Variants in ANKS1B observed in about 807,000 individuals in gnomAD.
ANKS1B encodes the protein ankyrin repeat and sterile alpha motif domain-containing protein 1B.
Under a neutral mutation model 148.3 loss-of-function variants are expected in ANKS1B, and 36 were observed. That is an observed-to-expected ratio of 0.24 (90% CI 0.19 to 0.32). The LOEUF (loss-of-function observed/expected upper bound fraction) is 0.32. ANKS1B is among the 10% of genes least tolerant of loss of function. The probability of loss-of-function intolerance (pLI) is 1.00; values close to 1 mark genes in which losing one functional copy is unlikely to be tolerated. For missense variants in ANKS1B, 1,157 were observed against 1,542.6 expected, an observed-to-expected ratio of 0.75 and a Z score of 4.19; for synonymous variants, 542 against 560.8, an observed-to-expected ratio of 0.97 and a Z score of 0.47.
intron 6 of ANKS1B, among the ~76,000 whole-genome samples, chr12:99,777,616 G>A (rs147749069): frequency 0.019 from 2,923 of 152,008 alleles, 81 homozygotes; most frequent in African/African-American, 0.058. Context: ...ACGGAGTCTC[G>A]CTCTGTTGCT....
chr12:99,065,906 A>G (rs1307896752), intron 16 of ANKS1B, among the ~76,000 whole-genome samples: 1 of 152,158 alleles, frequency 6.6e-6, no homozygotes, highest in East Asian at 1.9e-4. Flanking sequence ...AAAAAGAGAA[A>G]GTGCAGTGGG....
At chr12:99,349,940 GCA>G (rs1178607168) in intron 12 of ANKS1B, among the ~76,000 whole-genome samples, 3 of 151,926 alleles carry the variant, frequency 2.0e-5, no homozygotes, top group African/African-American at 7.2e-5. Flanking sequence ...GTTTAAAATG[GCA>G]CATTTTATGT....
At chr12:99,056,082 T>C (rs1041130919) in intron 16 of ANKS1B, among the ~76,000 whole-genome samples, 5 of 152,130 alleles carry the variant, frequency 3.3e-5, no homozygotes, top group Admixed American at 6.6e-5. Context: ...GAAATGGGTA[T>C]GCTGAGGTGT....
At chr12:98,859,479 T>G (rs1341475462) in intron 17 of ANKS1B, among the ~76,000 whole-genome samples, 1 of 152,216 alleles carries the variant, frequency 6.6e-6, no homozygotes, top group East Asian at 1.9e-4. Context: ...TAAGCCATTA[T>G]GAACAGTTTA....
chr12:99,618,460 T>C (rs2098000967), intron 9 of ANKS1B, among the ~76,000 whole-genome samples: 1 of 152,098 alleles, frequency 6.6e-6, no homozygotes, highest in Non-Finnish European at 1.5e-5. Context: ...TCTGGGGACT[T>C]TAATTCAAGA....
chr12:98,924,050 C>T (rs935049143), intron 17 of ANKS1B, among the ~76,000 whole-genome samples: 2 of 152,202 alleles, frequency 1.3e-5, no homozygotes, highest in Admixed American at 6.5e-5. Flanking sequence ...GGGCGCCAGA[C>T]TTAGATGCCT....
chr12:99,715,140 T>TAATA (rs538447232), intron 8 of ANKS1B, among the ~76,000 whole-genome samples: 2 of 96,140 alleles, frequency 2.1e-5, no homozygotes, highest in South Asian at 3.3e-4. Context: ...AAATAAAAAA[T>TAATA]AATAAATAAA....
At chr12:99,884,913 A>G (rs1007805) in intron 1 of ANKS1B, among the ~76,000 whole-genome samples, 34,909 of 151,600 alleles carry the variant, frequency 0.23, 4,083 homozygotes, top group African/African-American at 0.26. Context: ...AAATTTTAAA[A>G]CAAATTTACC....
chr12:99,467,841 T>C (rs1322778506), intron 10 of ANKS1B, among the ~76,000 whole-genome samples: 1 of 152,158 alleles, frequency 6.6e-6, no homozygotes, highest in Non-Finnish European at 1.5e-5. Flanking sequence ...GAAGAATCAA[T>C]ATCGTGAAAA....
Position 99,859,171 on chromosome 12 carries a change from T to C in ANKS1B, c.135-33782A>G, listed in dbSNP as rs374577289. Among the ~76,000 whole-genome samples, 11 of 152,332 alleles carry C rather than the reference T, an allele frequency of 7.2e-5. No individual in the cohort carries two copies. The East Asian group carries it at 1.9e-3, about 27-fold the overall frequency. On this transcript the variant is annotated intron_variant, in intron 1 of 26. Coordinates refer to ENST00000683438, the MANE Select transcript of ANKS1B (RefSeq NM_001352186.2). ...ATGGAGTAGAACACTGAAGTTCCAG[T>C]AACCAAGGAAGGTGAACATAGGAGA...
intron 10 of ANKS1B, among the ~76,000 whole-genome samples, chr12:99,458,466 CAGAA>C (rs2095883719): frequency 7.1e-6 from 1 of 140,910 alleles, no homozygotes; most frequent in African/African-American, 2.6e-5. Context: ...AAAAGATAAA[CAGAA>C]AGCTGGTTCT....
At chr12:99,152,311 G>T (rs1566479916) in intron 15 of ANKS1B, among the ~76,000 whole-genome samples, 1 of 151,986 alleles carries the variant, frequency 6.6e-6, no homozygotes, top group Non-Finnish European at 1.5e-5. Flanking sequence ...TTTTTTAAAA[G>T]ATAATTCTGT....
chr12:98,977,425 G>A (rs565036938), intron 17 of ANKS1B, among the ~76,000 whole-genome samples: 3 of 152,070 alleles, frequency 2.0e-5, no homozygotes, highest in Admixed American at 1.3e-4. Context: ...ATTCCAGAAC[G>A]TTTAAATTTA....
intron 1 of ANKS1B, among the ~76,000 whole-genome samples, chr12:99,860,665 A>C (rs2089907769): frequency 6.6e-6 from 1 of 152,214 alleles, no homozygotes. Flanking sequence ...AAAGACCCAC[A>C]CATACCCAAC....
At chr12:99,576,441 C>T (rs1424742244) in intron 9 of ANKS1B, among the ~76,000 whole-genome samples, 1 of 151,780 alleles carries the variant, frequency 6.6e-6, no homozygotes, top group Non-Finnish European at 1.5e-5. Context: ...ACATTCTTCT[C>T]ATCTACACAG....
intron 12 of ANKS1B, among the ~76,000 whole-genome samples, chr12:99,300,937 C>T (rs2081511195): frequency 6.6e-6 from 1 of 152,140 alleles, no homozygotes; most frequent in African/African-American, 2.4e-5. Flanking sequence ...TGGGAATTGG[C>T]TCACATGATT....
intron 17 of ANKS1B, among the ~76,000 whole-genome samples, chr12:98,833,434 C>A (rs1191109000): frequency 6.6e-6 from 1 of 152,156 alleles, no homozygotes; most frequent in Non-Finnish European, 1.5e-5. Context: ...TCTTCCCTAC[C>A]TATGTGTAGT....
downstream of ANKS1B, among the ~76,000 whole-genome samples, chr12:98,740,519 A>G (rs141151893): frequency 2.9e-3 from 441 of 152,338 alleles, no homozygotes; most frequent in Non-Finnish European, 3.4e-3. Flanking sequence ...GCTAATTTAT[A>G]GAGCAGCTCT....
chr12:99,235,558 A>G (rs1325830157), intron 14 of ANKS1B, among the ~76,000 whole-genome samples: 1 of 152,202 alleles, frequency 6.6e-6, no homozygotes, highest in Non-Finnish European at 1.5e-5. Context: ...ACGTGGCAAC[A>G]TATGTTGCTA....
Sources: gnomAD v4.1 joint callset for allele counts (sites outside exome capture counted in the v4.1 genomes callset) on GRCh38, gnomAD v4.1.1 for gene constraint, MANE v1.5 for transcripts, NCBI Gene and HGNC (gene_info 2026-07-23, HGNC 2026-07-21) for gene names.